Variants in FAM47E observed in about 807,000 individuals in gnomAD.
FAM47E encodes family with sequence similarity 47 member E, also known as protein FAM47E.
Under a neutral mutation model 41.6 loss-of-function variants are expected in FAM47E, and 32 were observed. That is an observed-to-expected ratio of 0.77 (90% CI 0.58 to 1.03). The LOEUF is 1.03. Among genes scored for constraint, FAM47E ranks in the 50% least tolerant of loss-of-function variants. The pLI is 0.00. For synonymous variants in FAM47E, 184 were observed against 188.7 expected, an observed-to-expected ratio of 0.98 and a Z score of 0.20; for missense variants, 424 against 485.4, an observed-to-expected ratio of 0.87 and a Z score of 1.19.
chr4:76,278,029 A>G, intron 5 of FAM47E, 40 bp from the exon 6 acceptor site: 1 of 1,420,614 alleles, frequency 7.0e-7, no homozygotes, highest in Non-Finnish European at 9.2e-7. Context: ...ACAAACAAAC[A>G]AAAAATCAAT....
Position 76,256,211 on chromosome 4 carries a change from C to G in FAM47E, c.108C>G (p.Phe36Leu). The stretch of plus-strand genomic sequence containing the variant: ...CAAAGCACAAGAACGGGCTGAAGTT[C>G]CCCACCTCTCTGCACAGCCGGCAGT... ...CFTKHKNGLKFPTSLHSRQLV... is the reference protein window; with the variant it reads ...CFTKHKNGLKLPTSLHSRQLV... Residue 36 changes from phenylalanine to leucine, a missense_variant, in exon 2 of 8, where the codon TTC becomes TTG. Phe to Leu is a conservative substitution (Grantham distance 22). Transcript: ENST00000424749. 1 of 1,551,640 alleles carries G rather than the reference C, an allele frequency of 6.4e-7. No individual in the cohort carries two copies. The highest frequency in any genetic ancestry group is 2.4e-5 in the East Asian group (1 of 40,908).
upstream of FAM47E, among the ~76,000 whole-genome samples, chr4:76,251,273 C>G (rs756812727): frequency 6.6e-6 from 1 of 152,110 alleles, no homozygotes; most frequent in Non-Finnish European, 1.5e-5. Context: ...TTTACAGAGG[C>G]TGTGAGACCA....
intron 2 of FAM47E, among the ~76,000 whole-genome samples, chr4:76,218,239 C>T (rs750166330): frequency 1.3e-5 from 2 of 152,192 alleles, no homozygotes; most frequent in East Asian, 3.8e-4. Context: ...TACCATCACA[C>T]CCTAGTGATT....
intron 2 of FAM47E, among the ~76,000 whole-genome samples, chr4:76,241,026 A>G (rs1206282467): frequency 1.3e-5 from 2 of 152,100 alleles, no homozygotes; most frequent in Admixed American, 6.6e-5. Context: ...TTTGAATCTA[A>G]TAATCTGGTA....
At chr4:76,265,996 A>G (rs1734618239) in intron 3 of FAM47E, among the ~76,000 whole-genome samples, 1 of 152,158 alleles carries the variant, frequency 6.6e-6, no homozygotes, top group South Asian at 2.1e-4. Flanking sequence ...CCACCACTCC[A>G]CTGACCTGAC....
intron 5 of FAM47E, among the ~76,000 whole-genome samples, chr4:76,276,037 G>GAT (rs1553957136): frequency 4.8e-5 from 3 of 62,348 alleles, no homozygotes; most frequent in African/African-American, 1.9e-4. Flanking sequence ...CAGACAGACA[G>GAT]ACACACACAC....
At chr4:76,256,141 G>T in intron 1 of FAM47E, 37 bp from the exon 2 acceptor site, 1 of 1,532,018 alleles carries the variant, frequency 6.5e-7, no homozygotes, top group Middle Eastern at 1.7e-4. Flanking sequence ...CAGGCATGTG[G>T]TATTCTAGGT....
intron 2 of FAM47E, among the ~76,000 whole-genome samples, chr4:76,257,825 C>T (rs1264685903): frequency 6.6e-6 from 1 of 152,106 alleles, no homozygotes; most frequent in Admixed American, 6.5e-5. Flanking sequence ...CACCACTGAG[C>T]TCCTCCCACA....
chr4:76,266,805 T>C (rs966005237), intron 3 of FAM47E, among the ~76,000 whole-genome samples: 26 of 152,328 alleles, frequency 1.7e-4, no homozygotes, highest in African/African-American at 6.3e-4. Context: ...TTCTACTCTT[T>C]AATTACTCCG....
At chr4:76,228,724 A>T (rs908596595) in intron 2 of FAM47E, among the ~76,000 whole-genome samples, 2 of 152,088 alleles carry the variant, frequency 1.3e-5, no homozygotes, top group African/African-American at 4.8e-5. Flanking sequence ...ACCTGCTATT[A>T]ATCTGATAGA....
Position 76,251,831 on chromosome 4 carries a change from A to G in FAM47E, c.74+11A>G. On this transcript the variant is annotated intron_variant, in intron 1 of 7. Coordinates refer to ENST00000424749, the MANE Select transcript of FAM47E (RefSeq NM_001136570.3). Reference sequence around the variant, plus strand: ...GAACTGCAGGTCCAGGTAAACACTCAGCGCCCGGGCCGAGGGCGCATCCCA... The same window carrying G: ...GAACTGCAGGTCCAGGTAAACACTCGGCGCCCGGGCCGAGGGCGCATCCCA... 2 of 1,444,334 alleles carry G rather than the reference A, an allele frequency of 1.4e-6. No individual in the cohort carries two copies. The highest frequency in any genetic ancestry group is 9.1e-7 in the Non-Finnish European group (1 of 1,102,918). The allele number at this position is 1,444,334 out of a possible 1,614,324, so 89.5% of individuals were successfully genotyped here.
intron 2 of FAM47E, among the ~76,000 whole-genome samples, chr4:76,263,449 G>T (rs1266835276): frequency 6.6e-6 from 1 of 151,790 alleles, no homozygotes; most frequent in Non-Finnish European, 1.5e-5. Context: ...TTAATTTTGG[G>T]GATTGTGATT....
intron 2 of FAM47E, among the ~76,000 whole-genome samples, chr4:76,218,068 C>T (rs576753342): frequency 2.0e-5 from 3 of 152,334 alleles, no homozygotes; most frequent in South Asian, 2.1e-4. Flanking sequence ...TGGCTCATGC[C>T]TGTAATCCCA....
At chr4:76,235,390 C>A (rs1733569581) in intron 2 of FAM47E, among the ~76,000 whole-genome samples, 1 of 152,054 alleles carries the variant, frequency 6.6e-6, no homozygotes, top group African/African-American at 2.4e-5. Flanking sequence ...TAATTCTAAG[C>A]TACCTGTCCT....
chr4:76,262,880 A>G (rs1734477415), intron 2 of FAM47E, among the ~76,000 whole-genome samples: 1 of 152,160 alleles, frequency 6.6e-6, no homozygotes, highest in Admixed American at 6.5e-5. Flanking sequence ...CTCTCACCTT[A>G]GCCTCCAAGT....
chr4:76,252,034 C>T (rs977150571), intron 1 of FAM47E, among the ~76,000 whole-genome samples: 4 of 152,102 alleles, frequency 2.6e-5, no homozygotes, highest in African/African-American at 9.7e-5. Flanking sequence ...CTCACAACCC[C>T]CGCCTCCCAC....
chr4:76,276,068 ACC>A (rs1553957146), intron 5 of FAM47E, among the ~76,000 whole-genome samples: 7 of 150,392 alleles, frequency 4.7e-5, no homozygotes, highest in Non-Finnish European at 7.4e-5. Context: ...ACACACACAC[ACC>A]CCTCCCCTAC....
intron 2 of FAM47E, among the ~76,000 whole-genome samples, chr4:76,237,669 A>T (rs988433151): frequency 2.0e-5 from 3 of 152,324 alleles, no homozygotes; most frequent in Admixed American, 6.5e-5. Context: ...CACAGGAAGC[A>T]TGATGCTGGC....
chr4:76,280,842 G>A, intron 7 of FAM47E: 1 of 152,518 alleles, frequency 6.6e-6, no homozygotes, highest in Non-Finnish European at 1.5e-5. Context: ...TTCCTGGGGG[G>A]CCTGGCCAGT....
Sources: allele counts gnomAD v4.1 joint callset (sites outside exome capture counted in the v4.1 genomes callset), GRCh38; gene constraint gnomAD v4.1.1; transcripts MANE v1.5; gene names NCBI Gene and HGNC (gene_info 2026-07-23, HGNC 2026-07-21).